ZFP64: variants seen among roughly 807,000 people sequenced by gnomAD.
ZFP64 encodes ZFP64 zinc finger protein.
In ZFP64, 14 loss-of-function variants were observed where a neutral mutation model predicts 51.6. The ratio of observed to expected loss-of-function variants is 0.27; its 90% CI spans 0.18 to 0.42. The LOEUF (loss-of-function observed/expected upper bound fraction) is 0.42, where lower values mean the gene tolerates loss of function less well. Among genes scored for constraint, ZFP64 ranks in the 10% least tolerant of loss-of-function variants. The probability of loss-of-function intolerance (pLI) is 1.00; values close to 1 mark genes in which losing one functional copy is unlikely to be tolerated. For synonymous variants in ZFP64, 375 were observed against 361.4 expected (o/e 1.04, Z -0.43); for missense variants, 754 against 906.8 (o/e 0.83, Z 2.16).
At chr20:52,132,638 G>T (rs1261390671) in intron 5 of ZFP64, among the ~76,000 whole-genome samples, 1 of 151,984 alleles carries the variant, frequency 6.6e-6, no homozygotes. Flanking sequence ...GACACAAACA[G>T]CCTACCAAGA....
downstream of ZFP64, among the ~76,000 whole-genome samples, chr20:52,149,858 T>C (rs915729680): frequency 1.3e-4 from 20 of 152,114 alleles, no homozygotes; most frequent in Non-Finnish European, 1.5e-4. Context: ...ATATTATGCT[T>C]AATTAAACTA....
chr20:52,105,703 C>G (rs1035537630), intron 5 of ZFP64: 3 of 152,066 alleles, frequency 2.0e-5, no homozygotes, highest in Non-Finnish European at 4.4e-5. Flanking sequence ...AATGCAGATT[C>G]TGACTCAGTG....
intron 2 of ZFP64, among the ~76,000 whole-genome samples, chr20:52,186,492 C>T (rs998385147): frequency 2.7e-5 from 4 of 150,642 alleles, no homozygotes; most frequent in Admixed American, 2.0e-4. Context: ...TGTACCCATA[C>T]TTCCACCACC....
chr20:52,108,714 C>T (rs757054305), intron 5 of ZFP64, among the ~76,000 whole-genome samples: 3 of 151,772 alleles, frequency 2.0e-5, no homozygotes, highest in East Asian at 1.9e-4. Flanking sequence ...TTCACCATGT[C>T]GGCCAGGCTG....
chr20:52,110,971 C>G (rs878921370), intron 5 of ZFP64: 6 of 1,506,440 alleles, frequency 4.0e-6, no homozygotes, highest in Admixed American at 1.7e-5. Context: ...CAAGACGAAC[C>G]TGCTTTTGGG....
intron 5 of ZFP64, among the ~76,000 whole-genome samples, chr20:52,140,860 T>C (rs984482991): frequency 6.6e-5 from 10 of 152,164 alleles, no homozygotes; most frequent in Non-Finnish European, 1.5e-4. Context: ...ATGTCTGGCT[T>C]CAAAGCTTCA....
chr20:52,089,734 C>A, intron 7 of ZFP64, among the ~76,000 whole-genome samples: 1 of 96,420 alleles, frequency 1.0e-5, no homozygotes. Flanking sequence ...GAGCAAGACA[C>A]TGTCTCAAAA....
At chr20:52,090,429 G>A (rs1224345198) in intron 7 of ZFP64, among the ~76,000 whole-genome samples, 2 of 152,150 alleles carry the variant, frequency 1.3e-5, no homozygotes, top group Non-Finnish European at 2.9e-5. Context: ...TGATGGTGAA[G>A]GTAAGATGGC....
chr20:52,094,907 C>CA (rs1378985393), intron 7 of ZFP64, among the ~76,000 whole-genome samples: 1 of 152,158 alleles, frequency 6.6e-6, no homozygotes, highest in East Asian at 1.9e-4. Flanking sequence ...TCTAACCCTA[C>CA]AATGATGGTG....
intron 2 of ZFP64, among the ~76,000 whole-genome samples, chr20:52,179,190 C>T (rs1361091635): frequency 6.6e-6 from 1 of 152,198 alleles, no homozygotes; most frequent in Non-Finnish European, 1.5e-5. Flanking sequence ...AAGCTCTTAT[C>T]TCTTGTCTGC....
intron 2 of ZFP64, among the ~76,000 whole-genome samples, chr20:52,177,617 G>C (rs1983324497): frequency 6.6e-6 from 1 of 152,194 alleles, no homozygotes; most frequent in South Asian, 2.1e-4. Flanking sequence ...CCACCACCGA[G>C]AACAGGAGGA....
chr20:52,188,159 A>G (rs1236104232), intron 1 of ZFP64, among the ~76,000 whole-genome samples: 2 of 152,066 alleles, frequency 1.3e-5, no homozygotes, highest in Non-Finnish European at 1.5e-5. Context: ...CAAGATCCCT[A>G]TGGGCTCTGC....
exon 9 of ZFP64, chr20:52,084,806 G>C (rs760421641): frequency 1.9e-6 from 3 of 1,614,166 alleles, no homozygotes; most frequent in African/African-American, 1.3e-5. Context: ...TGCCCTCTCT[G>C]AGCCCTTCCT....
chr20:52,113,290 C>G (rs933607242), intron 5 of ZFP64, among the ~76,000 whole-genome samples: 1 of 151,548 alleles, frequency 6.6e-6, no homozygotes, highest in East Asian at 2.0e-4. Flanking sequence ...GCCGCGAATG[C>G]GCCACTGTAC....
At chr20:52,090,065 TAAG>T (rs1228362967) in intron 7 of ZFP64, among the ~76,000 whole-genome samples, 5 of 152,034 alleles carry the variant, frequency 3.3e-5, no homozygotes. Context: ...CGCCAAAAGG[TAAG>T]ACACGAAAGC....
At chr20:52,185,446 G>C (rs1331546864) in intron 2 of ZFP64, among the ~76,000 whole-genome samples, 1 of 151,802 alleles carries the variant, frequency 6.6e-6, no homozygotes, top group African/African-American at 2.4e-5. Context: ...AAATTGCCCT[G>C]GTTATAAGAA....
At chr20:52,119,301 G>C (rs6096768) in intron 5 of ZFP64, among the ~76,000 whole-genome samples, 25,841 of 151,236 alleles carry the variant, frequency 0.17, 2,379 homozygotes, top group Non-Finnish European at 0.21. Context: ...TGGATCACCT[G>C]AGGTCAGGAG....
intron 5 of ZFP64, among the ~76,000 whole-genome samples, chr20:52,113,092 T>A (rs1978679353): frequency 6.6e-6 from 1 of 152,082 alleles, no homozygotes; most frequent in South Asian, 2.1e-4. Flanking sequence ...CCCAGCACTT[T>A]GGGAGTCTGA....
intron 5 of ZFP64, among the ~76,000 whole-genome samples, chr20:52,129,120 T>C (rs1484134009): frequency 4.0e-5 from 6 of 148,362 alleles, no homozygotes; most frequent in African/African-American, 7.5e-5. Flanking sequence ...CTCGCTCTGT[T>C]GCCCAGGCTG....
Sources: gnomAD v4.1 joint callset for allele counts (sites outside exome capture counted in the v4.1 genomes callset) on GRCh38, gnomAD v4.1.1 for gene constraint, MANE v1.5 for transcripts, NCBI Gene and HGNC (gene_info 2026-07-23, HGNC 2026-07-21) for gene names.